Variants in ATP9A observed in about 807,000 individuals in gnomAD.
ATP9A encodes the protein probable phospholipid-transporting ATPase IIA.
Under a neutral mutation model 144.1 loss-of-function variants are expected in ATP9A, and 52 were observed. The ratio of observed to expected loss-of-function variants is 0.36; its 90% confidence interval spans 0.29 to 0.45. The LOEUF (loss-of-function observed/expected upper bound fraction) is 0.45. Among genes scored for constraint, ATP9A ranks in the 20% least tolerant of loss-of-function variants. The probability of loss-of-function intolerance (pLI) is 1.00; values close to 1 mark genes in which losing one functional copy is unlikely to be tolerated. For missense variants in ATP9A, 947 were observed against 1,392.7 expected, an observed-to-expected ratio of 0.68 and a Z score of 5.09; for synonymous variants, 582 against 557.4, an observed-to-expected ratio of 1.04 and a Z score of -0.62.
At chr20:51,615,480 CAT>C (rs920824516) in intron 22 of ATP9A, among the ~76,000 whole-genome samples, 46 of 152,116 alleles carry the variant, frequency 3.0e-4, no homozygotes, top group African/African-American at 1.1e-3. Context: ...ATGAAAATTA[CAT>C]ATATATACAT....
At chr20:51,682,023 T>C (rs1164143908) in intron 9 of ATP9A, among the ~76,000 whole-genome samples, 1 of 151,992 alleles carries the variant, frequency 6.6e-6, no homozygotes, top group Non-Finnish European at 1.5e-5. Flanking sequence ...GGGTGGACGG[T>C]GATAATATCC....
chr20:51,609,960 G>C, intron 24 of ATP9A, 141 bp downstream of exon 24: 1 of 687,276 alleles, frequency 1.5e-6, no homozygotes, highest in East Asian at 2.6e-5. Flanking sequence ...TCTAAACCAT[G>C]GTGCTGGGCC....
intron 15 of ATP9A, among the ~76,000 whole-genome samples, chr20:51,638,415 G>C (rs944436687): frequency 6.6e-5 from 10 of 151,934 alleles, no homozygotes; most frequent in Non-Finnish European, 1.5e-4. Context: ...CTCCAACATA[G>C]GTGTGGGACT....
intron 9 of ATP9A, among the ~76,000 whole-genome samples, chr20:51,688,423 T>A (rs1276420303): frequency 6.6e-6 from 1 of 151,906 alleles, no homozygotes; most frequent in Non-Finnish European, 1.5e-5. Flanking sequence ...TGAAACCCCA[T>A]CTCTACTAAA....
chr20:51,762,705 CT>C (rs34209501), intron 1 of ATP9A, among the ~76,000 whole-genome samples: 14,320 of 83,874 alleles, frequency 0.17, 376 homozygotes, highest in Middle Eastern at 0.26. Flanking sequence ...CCACAAATGG[CT>C]TTTTTTTTTT....
Position 51,663,131 on chromosome 20 carries a change from G to C in ATP9A, c.1294-5981C>G, listed in dbSNP as rs933061530. 2.6e-5 allele frequency among the ~76,000 whole-genome samples: 4 copies of C among 152,038 alleles called. No individual in the cohort carries two copies. The South Asian group carries it at 8.3e-4, about 32-fold the overall frequency. On this transcript the variant is annotated intron_variant, in intron 13 of 27. Transcript: ENST00000338821. The stretch of plus-strand genomic sequence containing the variant: ...ATCCAGACCCAAAGAATGCCGTACA[G>C]CCCAGGCATATATTTATATTTATAT...
intron 14 of ATP9A, among the ~76,000 whole-genome samples, chr20:51,641,960 A>G (rs2077321274): frequency 6.6e-6 from 1 of 151,866 alleles, no homozygotes; most frequent in African/African-American, 2.4e-5. Flanking sequence ...ACTCCCCCTA[A>G]AGATTAAGCT....
chr20:51,763,696 T>C (rs548582479), intron 1 of ATP9A, among the ~76,000 whole-genome samples: 46 of 152,204 alleles, frequency 3.0e-4, no homozygotes, highest in Non-Finnish European at 6.3e-4. Context: ...ACAACATATC[T>C]ATTCAGTTCT....
At chr20:51,670,180 C>T in intron 12 of ATP9A, 71 bp from the exon 13 acceptor site, 1 of 1,225,650 alleles carries the variant, frequency 8.2e-7, no homozygotes, top group Non-Finnish European at 1.2e-6. Context: ...GTAATGACAG[C>T]TGCCATCTTT....
intron 8 of ATP9A, among the ~76,000 whole-genome samples, chr20:51,690,340 A>G (rs1309139303): frequency 6.6e-6 from 1 of 152,024 alleles, no homozygotes; most frequent in Non-Finnish European, 1.5e-5. Context: ...GAATGGCGTG[A>G]ACCCGGGAGA....
rs117197223 is a variant in ATP9A at position 51,755,969 on chromosome 20, A to T, written c.68+12333T>A. ...GACTCCATCTCAAAGAAAAAAAAAA[A>T]AGTTCATAGCTGCACTATTCATGAC... On this transcript the variant is annotated intron_variant, in intron 1 of 27. Transcript: ENST00000338821. 3.2e-4 allele frequency among the ~76,000 whole-genome samples: 48 copies of T among 149,156 alleles called. No individual in the cohort carries two copies. The East Asian group carries it at 5.3e-3, about 17-fold the overall frequency.
At chr20:51,758,662 T>C (rs1219340911) in intron 1 of ATP9A, among the ~76,000 whole-genome samples, 3 of 152,140 alleles carry the variant, frequency 2.0e-5, no homozygotes. Context: ...CGCAGTGGCT[T>C]ATGCTTGTAA....
intron 15 of ATP9A, among the ~76,000 whole-genome samples, chr20:51,635,034 T>A (rs1315181290): frequency 4.5e-5 from 6 of 133,288 alleles, no homozygotes; most frequent in Non-Finnish European, 9.9e-5. Flanking sequence ...GCCACCCCCC[T>A]GGAGTGGAGC....
At chr20:51,743,419 A>G (rs1451424696) in intron 1 of ATP9A, among the ~76,000 whole-genome samples, 1 of 8,204 alleles carries the variant, frequency 1.2e-4, no homozygotes, top group Non-Finnish European at 2.4e-4. Context: ...TTTTTTTTTG[A>G]GACGGAGTCT....
At chr20:51,738,404 C>G (rs566451680) in intron 1 of ATP9A, among the ~76,000 whole-genome samples, 2 of 152,130 alleles carry the variant, frequency 1.3e-5, no homozygotes, top group Non-Finnish European at 1.5e-5. Flanking sequence ...CAAGCTCCAT[C>G]GAAAGTGTAT....
At chr20:51,601,421 GT>G in intron 27 of ATP9A, 74 bp from the exon 28 acceptor site, 1 of 1,415,888 alleles carries the variant, frequency 7.1e-7, no homozygotes, top group East Asian at 2.4e-5. Context: ...AGAAACAGGC[GT>G]CACAACTATC....
At chr20:51,682,577 CTTTTTTTTTTTTTTTTTT>C (rs60505207) in intron 9 of ATP9A, among the ~76,000 whole-genome samples, 1 of 35,076 alleles carries the variant, frequency 2.9e-5, no homozygotes, top group Non-Finnish European at 5.3e-5. Context: ...TTCACTGTAT[CTTTTTTTTTTTTTTTTTT>C]TTTTTTTTTT....
intron 1 of ATP9A, among the ~76,000 whole-genome samples, chr20:51,740,796 A>G (rs2077781686): frequency 6.6e-6 from 1 of 151,666 alleles, no homozygotes; most frequent in Non-Finnish European, 1.5e-5. Context: ...GCTGGTCTCC[A>G]ACTCCTGGTC....
chr20:51,727,380 G>A (rs974984482), intron 2 of ATP9A, among the ~76,000 whole-genome samples: 1 of 151,774 alleles, frequency 6.6e-6, no homozygotes, highest in Non-Finnish European at 1.5e-5. Flanking sequence ...GAGCTCAAGA[G>A]TTCGAGACCA....
Sources: gnomAD v4.1 joint callset for allele counts (sites outside exome capture counted in the v4.1 genomes callset) on GRCh38, gnomAD v4.1.1 for gene constraint, MANE v1.5 for transcripts, NCBI Gene and HGNC (gene_info 2026-07-23, HGNC 2026-07-21) for gene names.